HDAC11: variants seen among roughly 807,000 people sequenced by gnomAD.
HDAC11 encodes histone deacetylase 11.
HDAC11 carries 23 observed loss-of-function variants against 41.1 expected under a neutral mutation model. The ratio of observed to expected loss-of-function variants is 0.56; its 90% confidence interval spans 0.40 to 0.79. The LOEUF is 0.79. Ranked by LOEUF, HDAC11 falls within the 30% of genes least tolerant of loss-of-function variation. HDAC11 has a pLI of 0.00. For synonymous variants in HDAC11, 187 were observed against 186.6 expected (o/e 1.00, Z -0.02); for missense variants, 402 against 477.3 (o/e 0.84, Z 1.47).
chr3:13,495,617 G>T lies in HDAC11; in HGVS notation c.253-1119G>T, dbSNP rs1044232721. On this transcript the variant is annotated intron_variant, in intron 3 of 9. Coordinates refer to ENST00000295757, the MANE Select transcript of HDAC11 (RefSeq NM_024827.4). ...GGTTCTCCTTGCTGCAGCTAGTGCA[G>T]CTTGGGACAGCACCATCTATGGTTC... 2.0e-5 allele frequency among the ~76,000 whole-genome samples: 3 copies of T among 152,162 alleles called. 1 individual carries two copies. The highest frequency in any genetic ancestry group is 1.5e-5 in the Non-Finnish European group (1 of 68,030).
rs1293254618 is a variant in HDAC11, at chr3:13,506,012, A to C, written c.*1329A>C. 1 of 152,198 alleles carries C rather than the reference A, an allele frequency of 6.6e-6. No individual in the cohort carries two copies. The highest frequency in any genetic ancestry group is 1.5e-5 in the Non-Finnish European group (1 of 68,050). The allele number at this position is 152,198 out of a possible 1,614,324, so 9.4% of individuals were successfully genotyped here. On this transcript the variant is annotated 3_prime_UTR_variant, in exon 10 of 10. Transcript: ENST00000295757. ...TTCATTACAGTGAGGGGGTGCTCCCACTGTCTCCCGGCCTCCCTAATGCTC... is the reference window on the plus strand; with the variant it reads ...TTCATTACAGTGAGGGGGTGCTCCCCCTGTCTCCCGGCCTCCCTAATGCTC...
rs1701279868 is a variant in HDAC11 at position 13,480,809 on chromosome 3, T to C, written c.3-437T>C. On this transcript the variant is annotated intron_variant, in intron 1 of 9. Coordinates refer to ENST00000295757, the MANE Select transcript of HDAC11 (RefSeq NM_024827.4). This position sits in a 1 kb window ranked among gnomAD's most constrained non-coding sequence, Gnocchi z 4.6. ...GACTTGGGTTTCTGAGTGCTTACTG[T>C]GCTCAGCTCCTCAGTTGCATTCTCT... 2.4e-6 allele frequency: 1 copy of C among 423,060 alleles called. No individual in the cohort carries two copies. The allele number at this position is 423,060 out of a possible 1,614,324, so 26.2% of individuals were successfully genotyped here. A position where few individuals can be genotyped will look rare whatever the true frequency, so the allele number is the denominator to read the frequency against.
chr3:13,487,133 T>C (rs367970465), intron 3 of HDAC11, among the ~76,000 whole-genome samples: 3 of 152,096 alleles, frequency 2.0e-5, no homozygotes, highest in South Asian at 2.1e-4. Context: ...GAGGGTGATA[T>C]GGTGTGACAT....
chr3:13,498,729 C>T (rs1702222905), intron 5 of HDAC11, among the ~76,000 whole-genome samples, 174 bp downstream of exon 5: 1 of 152,086 alleles, frequency 6.6e-6, no homozygotes, highest in African/African-American at 2.4e-5. Flanking sequence ...TGATGTGTAG[C>T]CTCCTAGGTA....
Position 13,502,564 on chromosome 3 carries a change from G to A in HDAC11, c.553-320G>A, listed in dbSNP as rs936155177. On this transcript the variant is annotated intron_variant, in intron 7 of 9. Coordinates refer to ENST00000295757, the MANE Select transcript of HDAC11 (RefSeq NM_024827.4). This position sits in a 1 kb window ranked among gnomAD's most constrained non-coding sequence, Gnocchi z 4.1. ...TCCTGAGCCAGGTCACATGTGGACA[G>A]TCCTTTACAGTTTGCTTTTCACATC... 25 of 296,334 alleles carry A rather than the reference G, an allele frequency of 8.4e-5. No individual in the cohort carries two copies. The highest frequency in any genetic ancestry group is 1.6e-4 in the Non-Finnish European group (24 of 154,294). The allele number at this position is 296,334 out of a possible 1,614,324, so 18.4% of individuals were successfully genotyped here.
intron 2 of HDAC11, among the ~76,000 whole-genome samples, chr3:13,482,113 C>T (rs994539223): frequency 3.3e-5 from 5 of 152,178 alleles, no homozygotes; most frequent in Admixed American, 6.5e-5. Context: ...TTACAAGAGG[C>T]GGAGTTGGGT....
At chr3:13,498,973 A>G (rs763536005) in intron 5 of HDAC11, among the ~76,000 whole-genome samples, 2 of 151,880 alleles carry the variant, frequency 1.3e-5, no homozygotes, top group Non-Finnish European at 2.9e-5. Flanking sequence ...AGGCTTGGTC[A>G]TGTTGGGTTG....
chr3:13,504,331 G>A (rs1200366037), intron 9 of HDAC11, 59 bp downstream of exon 9: 3 of 1,597,860 alleles, frequency 1.9e-6, no homozygotes, highest in East Asian at 4.5e-5. Flanking sequence ...GCAGCAGCAG[G>A]AAAGGTGGGC....
At position 13,500,708 on chromosome 3, in the gene HDAC11, C is replaced by T. The variant is rs569636082; in HGVS notation, c.413-5C>T. 36 of 1,586,344 alleles carry T rather than the reference C, an allele frequency of 2.3e-5. No individual in the cohort carries two copies. Among genetic ancestry groups the T allele is most frequent in the Admixed American group, 8.8e-5 (5 of 56,766 alleles). ...TGAGCAGCACCGCTCTCTGCCCTTC[C>T]GCAGGGGGTGGCTTCCACCACTGCT... On this transcript the variant is annotated splice_region_variant and splice_polypyrimidine_tract_variant and intron_variant, in intron 5 of 9. Coordinates refer to ENST00000295757, the MANE Select transcript of HDAC11 (RefSeq NM_024827.4).
At chr3:13,483,011 A>G (rs1574883890) in intron 2 of HDAC11, among the ~76,000 whole-genome samples, 1 of 151,222 alleles carries the variant, frequency 6.6e-6, no homozygotes, top group South Asian at 2.1e-4. Context: ...TCAACCTCCC[A>G]AAGTGCTGGG....
chr3:13,495,030 C>G (rs563206047), intron 3 of HDAC11, among the ~76,000 whole-genome samples: 1 of 151,998 alleles, frequency 6.6e-6, no homozygotes, highest in Non-Finnish European at 1.5e-5. Context: ...GTGTTTCTCC[C>G]ATCCTAAAAC....
chr3:13,484,902 C>T (rs1004997178), intron 3 of HDAC11, among the ~76,000 whole-genome samples: 1 of 152,062 alleles, frequency 6.6e-6, no homozygotes, highest in Non-Finnish European at 1.5e-5. Flanking sequence ...GAATCTGGTA[C>T]TGCCAGCCTG....
rs79943116 is a variant in HDAC11 at position 13,487,882 on chromosome 3, C to T, written c.252+4318C>T. Among the ~76,000 whole-genome samples, 81 of 151,694 alleles carry T rather than the reference C, an allele frequency of 5.3e-4. No individual in the cohort carries two copies. In the East Asian group the frequency reaches 0.013, roughly 24 times the overall value. ...TAATATGTTAGATGGTGCTGAGTGT[C>T]GTGAAGAAAGGAAGGGACAGCAGAA... is the stretch of plus-strand genomic sequence containing the variant. On this transcript the variant is annotated intron_variant, in intron 3 of 9. Coordinates refer to ENST00000295757, the MANE Select transcript of HDAC11 (RefSeq NM_024827.4).
chr3:13,495,024 T>C (rs1338165170), intron 3 of HDAC11, among the ~76,000 whole-genome samples: 1 of 151,844 alleles, frequency 6.6e-6, no homozygotes, highest in African/African-American at 2.4e-5. Context: ...ATGCTCGTGT[T>C]TCTCCCATCC....
Position 13,483,485 on chromosome 3 carries a change from G to A in HDAC11, c.173G>A (p.Ser58Asn), listed in dbSNP as rs1701416045. The A allele has an allele frequency of 6.2e-7, 1 of 1,614,010 alleles. No homozygotes were observed. Among genetic ancestry groups the A allele is most frequent in the South Asian group, 1.1e-5 (1 of 91,082 alleles). ...FLKEEKLLSDSMLVEAREASE... is the reference protein window; with the variant it reads ...FLKEEKLLSDNMLVEAREASE... The stretch of plus-strand genomic sequence containing the variant: ...TCAGAAGAGAAGCTTCTGTCTGACA[G>A]CATGCTGGTGGAGGCGCGGGAGGCC... The change falls in exon 3 of 10, where the codon AGC becomes AAC. Residue 58 changes from serine to asparagine, a missense_variant. Physicochemically the swap from Ser to Asn is conservative, Grantham distance 46. Transcript: ENST00000295757.
rs977160782 is a variant in HDAC11, at chr3:13,483,427, T to C, written c.152-37T>C. 5.1e-6 allele frequency: 8 copies of C among 1,572,304 alleles called. No homozygotes were observed. In the African/African-American group the frequency reaches 1.1e-4, roughly 21 times the overall value. On this transcript the variant is annotated intron_variant, in intron 2 of 9. Coordinates refer to ENST00000295757, the MANE Select transcript of HDAC11 (RefSeq NM_024827.4). Reference sequence around the variant, plus strand: ...TCTGGGGCTGGCCCTGGCCTTGAGGTCAGTGGGGAAGCAGGATGCTCCCTC... The same window carrying C: ...TCTGGGGCTGGCCCTGGCCTTGAGGCCAGTGGGGAAGCAGGATGCTCCCTC...
chr3:13,504,720 C>T lies in HDAC11; in HGVS notation c.*37C>T, dbSNP rs780286884. The stretch of plus-strand genomic sequence containing the variant: ...CTGCCTGTCACGTGGCCCTGCCTAT[C>T]CGCCCCTTAGTGCTTTTTGTTTTCT... On this transcript the variant is annotated 3_prime_UTR_variant, in exon 10 of 10. Transcript: ENST00000295757. 10 of 1,567,944 alleles carry T rather than the reference C, an allele frequency of 6.4e-6. No individual in the cohort carries two copies. The South Asian group carries it at 8.9e-5, about 14-fold the overall frequency.
At chr3:13,498,626 G>GGT in intron 5 of HDAC11, 71 bp downstream of exon 5, 1 of 997,202 alleles carries the variant, frequency 1.0e-6, no homozygotes, top group Non-Finnish European at 1.5e-6. Flanking sequence ...GGGGCTGGGG[G>GGT]AGGGCGGGAG....
chr3:13,505,479 C>T lies in HDAC11; in HGVS notation c.*796C>T, dbSNP rs147268958. ...GCGCAAGGACGGGCCTCAGCCCTGT[C>T]GCCTCCAGGGGGCCGCTGACCCAGG... On this transcript the variant is annotated 3_prime_UTR_variant, in exon 10 of 10. Coordinates refer to ENST00000295757, the MANE Select transcript of HDAC11 (RefSeq NM_024827.4). 21 of 152,820 alleles carry T rather than the reference C, an allele frequency of 1.4e-4. No homozygotes were observed. Among genetic ancestry groups the T allele is most frequent in the Admixed American group, 9.2e-4 (14 of 15,286 alleles). The allele number at this position is 152,820 out of a possible 1,614,324, so 9.5% of individuals were successfully genotyped here.
Sources: gnomAD v4.1 joint callset for allele counts (sites outside exome capture counted in the v4.1 genomes callset) on GRCh38, gnomAD v4.1.1 for gene constraint, Gnocchi (gnomAD v3.1) non-coding constraint, MANE v1.5 for transcripts, NCBI Gene and HGNC (gene_info 2026-07-23, HGNC 2026-07-21) for gene names.